Variants in ADAMTSL1 observed in about 807,000 individuals in gnomAD.
ADAMTSL1 encodes ADAMTS like 1.
A neutral mutation model predicts 201.8 loss-of-function variants in ADAMTSL1; 126 were observed. The observed-to-expected ratio is 0.62, with a 90% CI of 0.54 to 0.72. ADAMTSL1 has a LOEUF of 0.72. Ranked by LOEUF, ADAMTSL1 falls within the 30% of genes least tolerant of loss-of-function variation. The probability of loss-of-function intolerance (pLI) is 0.00; values close to 1 mark genes in which losing one functional copy is unlikely to be tolerated. For missense variants in ADAMTSL1, 2,679 were observed against 2,277.8 expected, an observed-to-expected ratio of 1.18 and a Z score of -3.59; for synonymous variants, 1,121 against 903.4, an observed-to-expected ratio of 1.24 and a Z score of -4.32.
intron 15 of ADAMTSL1, among the ~76,000 whole-genome samples, chr9:18,744,604 A>C (rs1819025768): frequency 6.6e-6 from 1 of 152,214 alleles, no homozygotes; most frequent in South Asian, 2.1e-4. Context: ...CCTGGGTTTC[A>C]CCCTTTACAT....
chr9:18,708,106 G>A (rs909275864), intron 14 of ADAMTSL1, among the ~76,000 whole-genome samples: 4 of 152,050 alleles, frequency 2.6e-5, no homozygotes, highest in East Asian at 1.9e-4. Context: ...CTTAATAACC[G>A]GTGGAAAAAA....
At chr9:18,442,748 G>A (rs1397822308) in intron 2 of ADAMTSL1, among the ~76,000 whole-genome samples, 1 of 152,196 alleles carries the variant, frequency 6.6e-6, no homozygotes, top group African/African-American at 2.4e-5. Context: ...GTTTTAAGAA[G>A]ACGGAGCTCC....
rs554816111 is a variant in ADAMTSL1, at chr9:18,280,331, G to C, written c.207+116350G>C. On this transcript the variant is annotated intron_variant, in intron 2 of 29. Coordinates refer to the ADAMTSL1 transcript ENST00000680146. ...CTGACCTGGAACCTAGGGCCTAAGGGGGTGGCTTGGCACTGGGGTAGGCCT... is the reference window on the plus strand; with the variant it reads ...CTGACCTGGAACCTAGGGCCTAAGGCGGTGGCTTGGCACTGGGGTAGGCCT... 2.0e-5 allele frequency among the ~76,000 whole-genome samples: 3 copies of C among 152,086 alleles called. No homozygotes were observed. In the South Asian group the frequency reaches 6.2e-4, roughly 32 times the overall value.
At chr9:18,085,700 A>G (rs1244292639) in intron 1 of ADAMTSL1, among the ~76,000 whole-genome samples, 1 of 150,732 alleles carries the variant, frequency 6.6e-6, no homozygotes, top group Non-Finnish European at 1.5e-5. Context: ...GTGTGTGTAT[A>G]TATATATACT....
chr9:18,580,320 G>A (rs1006191854), intron 4 of ADAMTSL1, among the ~76,000 whole-genome samples: 2 of 152,066 alleles, frequency 1.3e-5, no homozygotes, highest in East Asian at 1.9e-4. Flanking sequence ...AATAATTCCT[G>A]TGGTGAGTAG....
In ADAMTSL1 at chr9:18,684,758, C is replaced by T. The variant is rs1830721153; in HGVS notation, c.1532C>T (p.Ala511Val). The T allele has an allele frequency of 1.2e-6, 2 of 1,612,976 alleles. No homozygotes were observed. The highest frequency in any genetic ancestry group is 2.7e-5 in the African/African-American group (2 of 74,906). The change falls in exon 13 of 29, where the codon GCT (alanine) becomes GTT (valine). Residue 511 changes from alanine to valine, a missense_variant. By Grantham distance (64) the Ala-to-Val change is moderately conservative. Coordinates refer to ENST00000380548, the MANE Select transcript of ADAMTSL1 (RefSeq NM_001040272.6). Reference sequence around the variant, plus strand: ...GCCAAGTTGCCATGGTTCAAACAAGCTCAAGAGCTAGAAGAAGGAGCTGCT... The same window carrying T: ...GCCAAGTTGCCATGGTTCAAACAAGTTCAAGAGCTAGAAGAAGGAGCTGCT... ...VEAKLPWFKQAQELEEGAAVS... is the reference protein window; with the variant it reads ...VEAKLPWFKQVQELEEGAAVS...
intron 15 of ADAMTSL1, among the ~76,000 whole-genome samples, chr9:18,746,918 A>T (rs1357609527): frequency 6.6e-6 from 1 of 152,152 alleles, no homozygotes; most frequent in Non-Finnish European, 1.5e-5. Context: ...GGGGAAGACC[A>T]CACTCTGCCT....
At chr9:18,063,092 G>T (rs1247762900) in intron 1 of ADAMTSL1, among the ~76,000 whole-genome samples, 2 of 152,174 alleles carry the variant, frequency 1.3e-5, no homozygotes, top group Non-Finnish European at 2.9e-5. Flanking sequence ...GAATTGGGAG[G>T]CTGAAATGGG....
chr9:18,150,501 G>C (rs1313725499), intron 1 of ADAMTSL1, among the ~76,000 whole-genome samples: 2 of 152,032 alleles, frequency 1.3e-5, no homozygotes, highest in Admixed American at 6.6e-5. Context: ...GTTTCTGTTT[G>C]CTGAGTTTGT....
At chr9:18,334,188 T>C (rs948100443) in intron 2 of ADAMTSL1, among the ~76,000 whole-genome samples, 1 of 152,082 alleles carries the variant, frequency 6.6e-6, no homozygotes, top group Non-Finnish European at 1.5e-5. Flanking sequence ...AAGGGAGAAG[T>C]GTGTGCCTAA....
At chr9:17,917,043 T>C (rs768864593) in intron 1 of ADAMTSL1, among the ~76,000 whole-genome samples, 13 of 152,120 alleles carry the variant, frequency 8.5e-5, no homozygotes, top group Non-Finnish European at 1.8e-4. Context: ...TTTAAAAAAT[T>C]TTAGTTTCCA....
chr9:17,974,136 A>G (rs1818337307), intron 1 of ADAMTSL1, among the ~76,000 whole-genome samples: 1 of 152,034 alleles, frequency 6.6e-6, no homozygotes, highest in African/African-American at 2.4e-5. Flanking sequence ...CACAGCCAAT[A>G]TCATACTGAA....
chr9:18,176,601 G>T (rs1828171318), intron 2 of ADAMTSL1, among the ~76,000 whole-genome samples: 1 of 152,072 alleles, frequency 6.6e-6, no homozygotes, highest in Non-Finnish European at 1.5e-5. Context: ...GGGTCACAAA[G>T]ATCTGTTACT....
At position 18,054,209 on chromosome 9, in the gene ADAMTSL1, C is replaced by A. The variant is rs184224875; in HGVS notation, c.88-109653C>A. On this transcript the variant is annotated intron_variant, in intron 1 of 29. Coordinates refer to the ADAMTSL1 transcript ENST00000680146. ...TTGTACGTGTATAAACACAGACATA[C>A]ATTGTAGAAAATTGAGAAACCATGT... 1.5e-3 allele frequency among the ~76,000 whole-genome samples: 225 copies of A among 152,280 alleles called. 2 individuals are homozygous for A. Among genetic ancestry groups the A allele is most frequent in the African/African-American group, 5.2e-3 (218 of 41,542 alleles).
chr9:18,489,288 T>G (rs954318879), intron 1 of ADAMTSL1, among the ~76,000 whole-genome samples: 2 of 152,208 alleles, frequency 1.3e-5, no homozygotes, highest in African/African-American at 2.4e-5. Flanking sequence ...TAGGAGCCCC[T>G]TGTCCCTAAA....
chr9:18,118,764 T>C (rs1825373184), intron 1 of ADAMTSL1, among the ~76,000 whole-genome samples: 1 of 152,176 alleles, frequency 6.6e-6, no homozygotes, highest in Non-Finnish European at 1.5e-5. Flanking sequence ...GTAGAGCCAA[T>C]TGCTTATAAA....
At chr9:18,229,854 C>T (rs1268007453) in intron 2 of ADAMTSL1, among the ~76,000 whole-genome samples, 1 of 151,980 alleles carries the variant, frequency 6.6e-6, no homozygotes, top group African/African-American at 2.4e-5. Flanking sequence ...CACCAACATG[C>T]CCGGCTAATT....
intron 3 of ADAMTSL1, among the ~76,000 whole-genome samples, chr9:18,571,724 T>C (rs1018554157): frequency 6.6e-6 from 1 of 151,952 alleles, no homozygotes; most frequent in Non-Finnish European, 1.5e-5. Flanking sequence ...TTGTTAGTTA[T>C]AGAGTTGTTT....
intron 26 of ADAMTSL1, among the ~76,000 whole-genome samples, chr9:18,900,509 A>G (rs762899209): frequency 6.6e-6 from 1 of 152,232 alleles, no homozygotes; most frequent in Non-Finnish European, 1.5e-5. Context: ...TCACAATAGC[A>G]AAGGCATGGA....
Sources: allele counts gnomAD v4.1 joint callset (sites outside exome capture counted in the v4.1 genomes callset), GRCh38; gene constraint gnomAD v4.1.1; transcripts MANE v1.5; gene names NCBI Gene and HGNC (gene_info 2026-07-23, HGNC 2026-07-21).